Variants in TMEM116 observed in about 807,000 individuals in gnomAD.
TMEM116 encodes the protein transmembrane protein 116.
TMEM116 carries 38 observed loss-of-function variants against 44.3 expected under a neutral mutation model. That is an observed-to-expected ratio of 0.86 (90% CI 0.66 to 1.12). The LOEUF (loss-of-function observed/expected upper bound fraction) is 1.12, where lower values mean the gene tolerates loss of function less well. Among genes scored for constraint, TMEM116 ranks in the 50% most tolerant of loss-of-function variants. TMEM116 has a pLI of 0.00. For missense variants in TMEM116, 354 were observed against 401.7 expected, an observed-to-expected ratio of 0.88 and a Z score of 1.01; for synonymous variants, 132 against 144.8, an observed-to-expected ratio of 0.91 and a Z score of 0.64.
intron 3 of TMEM116, among the ~76,000 whole-genome samples, chr12:111,998,704 C>T (rs2077059825): frequency 6.6e-6 from 1 of 152,056 alleles, no homozygotes; most frequent in Non-Finnish European, 1.5e-5. Context: ...GCCTGTAGTC[C>T]CAGCTACTTG....
chr12:111,989,199 C>T (rs760192595), intron 4 of TMEM116, among the ~76,000 whole-genome samples: 1 of 152,102 alleles, frequency 6.6e-6, no homozygotes, highest in Non-Finnish European at 1.5e-5. Context: ...GTGAGTTTCC[C>T]AAACTTTTTC....
intron 4 of TMEM116, chr12:111,965,598 C>A: frequency 9.9e-6 from 2 of 201,256 alleles, no homozygotes; most frequent in Non-Finnish European, 2.1e-5. Context: ...TTCTTACCAA[C>A]TGGGTGCAAA....
chr12:111,948,311 G>A (rs917230659), intron 4 of TMEM116, among the ~76,000 whole-genome samples: 12 of 152,164 alleles, frequency 7.9e-5, no homozygotes, highest in African/African-American at 2.7e-4. Context: ...AGTAAGGTGA[G>A]ATGAGAAGAC....
intron 6 of TMEM116, 85 bp from the exon 7 acceptor site, chr12:111,937,328 CA>C (rs1310907729): frequency 1.0e-6 from 1 of 1,000,252 alleles, no homozygotes; most frequent in Non-Finnish European, 1.6e-6. Flanking sequence ...GCTCTTCCCT[CA>C]ACTCTATCAT....
At chr12:111,995,481 C>T (rs545836194) in intron 3 of TMEM116, among the ~76,000 whole-genome samples, 10 of 152,256 alleles carry the variant, frequency 6.6e-5, no homozygotes, top group Non-Finnish European at 1.2e-4. Context: ...TGGTGGCTCA[C>T]GTCTGTAATC....
At chr12:111,997,154 T>C (rs2076973931) in intron 3 of TMEM116, among the ~76,000 whole-genome samples, 1 of 152,252 alleles carries the variant, frequency 6.6e-6, no homozygotes, top group African/African-American at 2.4e-5. Flanking sequence ...GTTCCATTTC[T>C]TGTCACTAGT....
chr12:111,934,245 A>G (rs1302344596), intron 8 of TMEM116: 1 of 513,508 alleles, frequency 1.9e-6, no homozygotes, highest in East Asian at 3.5e-5. Flanking sequence ...ACAGGTAACT[A>G]GCCAAACTTG....
intron 4 of TMEM116, among the ~76,000 whole-genome samples, chr12:111,985,220 A>G (rs1489960182): frequency 2.0e-5 from 3 of 152,154 alleles, no homozygotes; most frequent in Non-Finnish European, 4.4e-5. Flanking sequence ...AAAGGAAGAT[A>G]TAAAATCATT....
intron 5 of TMEM116, 83 bp from the exon 6 acceptor site, chr12:111,938,293 A>C (rs1266788141): frequency 1.9e-6 from 2 of 1,032,602 alleles, no homozygotes; most frequent in Non-Finnish European, 2.7e-6. Context: ...GTTAACACTC[A>C]ATAGAACAAA....
chr12:111,989,566 T>A (rs1274870364), intron 4 of TMEM116, among the ~76,000 whole-genome samples: 1 of 152,214 alleles, frequency 6.6e-6, no homozygotes, highest in African/African-American at 2.4e-5. Flanking sequence ...AGATAAAATA[T>A]TAACAATCTC....
At chr12:111,934,957 A>T (rs912726301) in intron 8 of TMEM116, 3 of 152,184 alleles carry the variant, frequency 2.0e-5, no homozygotes, top group Admixed American at 6.5e-5. Flanking sequence ...CCTAATCCAG[A>T]TCTACTCTCT....
At chr12:111,997,385 T>G (rs1187646439) in intron 3 of TMEM116, among the ~76,000 whole-genome samples, 2 of 151,950 alleles carry the variant, frequency 1.3e-5, no homozygotes, top group Non-Finnish European at 2.9e-5. Context: ...AAGACCCCTG[T>G]CTCTACAAAA....
At chr12:111,958,287 A>C (rs1251547207) in intron 4 of TMEM116, among the ~76,000 whole-genome samples, 4 of 132,898 alleles carry the variant, frequency 3.0e-5, no homozygotes, top group African/African-American at 1.1e-4. Flanking sequence ...TAAAAAAAAA[A>C]AAAAAAAAAA....
At chr12:112,007,179 C>T (rs973936644) in intron 1 of TMEM116, among the ~76,000 whole-genome samples, 4 of 152,188 alleles carry the variant, frequency 2.6e-5, no homozygotes, top group African/African-American at 9.7e-5. Context: ...CTTTGGGAGG[C>T]CAAGTCAGGT....
chr12:112,012,572 C>T (rs2077893647), intron 1 of TMEM116: 1 of 152,542 alleles, frequency 6.6e-6, no homozygotes, highest in Non-Finnish European at 1.5e-5. Context: ...AGTCAACGCG[C>T]CCAGCCGGAA....
rs762440885 is a variant in TMEM116, at chr12:111,938,164, G to C, written c.362C>G (p.Ser121Ter). Residue 121 changes from serine to a stop codon, truncating the protein, a stop_gained, in exon 6 of 11, where the codon TCA becomes TGA. Coordinates refer to ENST00000552374, the MANE Select transcript of TMEM116 (RefSeq NM_001193531.2). LOFTEE classifies it high-confidence loss of function. ...CRVCQMAFVF[S>*]SLIPLLLMTP... Reference sequence around the variant, plus strand: ...AGAAGTAAAGAAAAAATTTTACCTTGAGAAAACAAAGGCCATTTGACAAAC... The same window carrying C: ...AGAAGTAAAGAAAAAATTTTACCTTCAGAAAACAAAGGCCATTTGACAAAC... 1 of 1,595,306 alleles carries C rather than the reference G, an allele frequency of 6.3e-7. No homozygotes were observed. Among genetic ancestry groups the C allele is most frequent in the Non-Finnish European group, 8.5e-7 (1 of 1,171,634 alleles).
At chr12:112,005,898 AAAG>A (rs763832996) in intron 1 of TMEM116, 7 of 976,642 alleles carry the variant, frequency 7.2e-6, no homozygotes, top group African/African-American at 1.8e-5. Flanking sequence ...GCAGAACAGG[AAAG>A]AAGAAAGGGA....
chr12:111,934,080 C>A (rs74619648), intron 8 of TMEM116, 50 bp from the exon 9 acceptor site: 28 of 1,593,942 alleles, frequency 1.8e-5, no homozygotes, highest in Non-Finnish European at 2.4e-5. Context: ...TAGTAAAATG[C>A]CCCAGGTCTA....
intron 4 of TMEM116, among the ~76,000 whole-genome samples, chr12:111,953,652 C>T (rs2073895712): frequency 6.6e-6 from 1 of 152,214 alleles, no homozygotes; most frequent in Non-Finnish European, 1.5e-5. Context: ...TGATGCCACG[C>T]TTGTTAATCC....
Sources: allele counts gnomAD v4.1 joint callset (sites outside exome capture counted in the v4.1 genomes callset), GRCh38; gene constraint gnomAD v4.1.1; transcripts MANE v1.5; gene names NCBI Gene and HGNC (gene_info 2026-07-23, HGNC 2026-07-21).